KCNH7: variants seen among roughly 807,000 people sequenced by gnomAD.
KCNH7 encodes voltage-gated inwardly rectifying potassium channel KCNH7.
A neutral mutation model predicts 120.8 loss-of-function variants in KCNH7; 49 were observed. The ratio of observed to expected loss-of-function variants is 0.41; its 90% CI spans 0.32 to 0.51. The LOEUF (loss-of-function observed/expected upper bound fraction) is 0.51, where lower values mean the gene tolerates loss of function less well. Among genes scored for constraint, KCNH7 ranks in the 20% least tolerant of loss-of-function variants. The pLI is 0.38. For missense variants in KCNH7, 1,097 were observed against 1,446.6 expected (o/e 0.76, Z 3.92); for synonymous variants, 547 against 516.1 (o/e 1.06, Z -0.81).
intron 2 of KCNH7, among the ~76,000 whole-genome samples, chr2:162,692,807 C>T (rs540057119): frequency 3.0e-4 from 46 of 152,090 alleles, no homozygotes; most frequent in East Asian, 2.3e-3. Context: ...AAAGCCACTT[C>T]GAAATAAATG....
chr2:162,649,248 C>CT (rs879489546), intron 2 of KCNH7, among the ~76,000 whole-genome samples: 19 of 151,880 alleles, frequency 1.3e-4, no homozygotes, highest in South Asian at 8.3e-4. Context: ...GCACCAAAAC[C>CT]TTTTTTTTGT....
intron 3 of KCNH7, among the ~76,000 whole-genome samples, chr2:162,522,333 G>A (rs1278411671): frequency 6.6e-6 from 1 of 151,780 alleles, no homozygotes; most frequent in Non-Finnish European, 1.5e-5. Flanking sequence ...ACAATTCACT[G>A]GCTTTCTTAA....
In KCNH7 at chr2:162,384,709, T is replaced by G. The variant is rs757136878; in HGVS notation, c.2941A>C (p.Lys981Gln). 1.2e-6 allele frequency: 2 copies of G among 1,612,542 alleles called. No homozygotes were observed. Among genetic ancestry groups the G allele is most frequent in the Non-Finnish European group, 1.7e-6 (2 of 1,178,918 alleles). ...TTACCTTTGCAAGAGTGACTTCTTTTATCTATGTGCATTCTTCCTGAGGTG... is the reference window on the plus strand; with the variant it reads ...TTACCTTTGCAAGAGTGACTTCTTTGATCTATGTGCATTCTTCCTGAGGTG... ...VPTSGRMHID[K>Q]RSHSCKDITD... The change falls in exon 13 of 16, where the codon AAA (lysine) becomes CAA (glutamine). Residue 981 changes from lysine (K) to glutamine (Q), a missense_variant. Lys to Gln is a moderately conservative substitution (Grantham distance 53). Around this residue, in one of 8 missense-constraint regions of KCNH7, gnomAD observed 406 missense variants for 410.5 expected, o/e 0.99. Coordinates refer to ENST00000332142, the MANE Select transcript of KCNH7 (RefSeq NM_033272.4).
chr2:162,657,213 T>C (rs1684793638), intron 2 of KCNH7, among the ~76,000 whole-genome samples: 1 of 152,218 alleles, frequency 6.6e-6, no homozygotes, highest in African/African-American at 2.4e-5. Flanking sequence ...GTATGTACAC[T>C]TTACAAGTTT....
intron 2 of KCNH7, among the ~76,000 whole-genome samples, chr2:162,648,801 T>A (rs1559063168): frequency 1.3e-5 from 2 of 152,114 alleles, no homozygotes. Flanking sequence ...ACTCTTGATT[T>A]AAGATCAGTT....
intron 2 of KCNH7, among the ~76,000 whole-genome samples, chr2:162,580,145 T>A (rs1057374247): frequency 6.6e-5 from 10 of 152,024 alleles, no homozygotes; most frequent in Non-Finnish European, 1.2e-4. Context: ...TAGCTCACAG[T>A]CAGGAAGGTC....
At chr2:162,666,219 C>T (rs1343658509) in intron 2 of KCNH7, among the ~76,000 whole-genome samples, 1 of 152,118 alleles carries the variant, frequency 6.6e-6, no homozygotes, top group Non-Finnish European at 1.5e-5. Context: ...CCCTAATTTT[C>T]AGCACTAATG....
intron 8 of KCNH7, among the ~76,000 whole-genome samples, chr2:162,434,429 A>G (rs13413015): frequency 0.074 from 11,240 of 152,168 alleles, 1,333 homozygotes; most frequent in African/African-American, 0.25. Flanking sequence ...AATGAAAACA[A>G]AAATCCATCA....
chr2:162,560,357 A>G lies in KCNH7; in HGVS notation c.308-23277T>C, dbSNP rs77002225. ...TGGCAAGTGGCTAACTTCTAACTGTAACATCGGAACAGGAGCAAAAGTATC... is the reference window on the plus strand; with the variant it reads ...TGGCAAGTGGCTAACTTCTAACTGTGACATCGGAACAGGAGCAAAAGTATC... On this transcript the variant is annotated intron_variant, in intron 2 of 15. Transcript: ENST00000332142. 2.4e-3 allele frequency among the ~76,000 whole-genome samples: 366 copies of G among 152,282 alleles called. 5 individuals carry two copies. The East Asian group carries it at 0.06, about 25-fold the overall frequency.
intron 9 of KCNH7, among the ~76,000 whole-genome samples, chr2:162,418,298 G>C (rs999786876): frequency 6.6e-6 from 1 of 152,006 alleles, no homozygotes; most frequent in Non-Finnish European, 1.5e-5. Context: ...AGGATTATCT[G>C]GATATGAGGG....
At chr2:162,397,345 T>C (rs1055703229) in intron 10 of KCNH7, among the ~76,000 whole-genome samples, 1 of 151,836 alleles carries the variant, frequency 6.6e-6, no homozygotes, top group African/African-American at 2.4e-5. Flanking sequence ...TGTCTCGGGA[T>C]GGTCTCTGCA....
At chr2:162,412,849 G>A (rs1045191119) in intron 9 of KCNH7, among the ~76,000 whole-genome samples, 4 of 152,070 alleles carry the variant, frequency 2.6e-5, no homozygotes, top group Admixed American at 1.3e-4. Flanking sequence ...GAAGATCTCC[G>A]TGCCTATGCT....
At chr2:162,702,269 C>A (rs541948854) in intron 2 of KCNH7, among the ~76,000 whole-genome samples, 1 of 152,148 alleles carries the variant, frequency 6.6e-6, no homozygotes, top group African/African-American at 2.4e-5. Flanking sequence ...AGCTAGATCT[C>A]TATTTGGTAG....
intron 2 of KCNH7, among the ~76,000 whole-genome samples, chr2:162,608,228 C>T (rs1234969932): frequency 1.3e-5 from 2 of 152,068 alleles, no homozygotes; most frequent in African/African-American, 2.4e-5. Flanking sequence ...CTGGTATGGC[C>T]CAGACCAGAG....
chr2:162,762,974 C>T (rs1689017677), intron 2 of KCNH7, among the ~76,000 whole-genome samples: 1 of 151,988 alleles, frequency 6.6e-6, no homozygotes, highest in South Asian at 2.1e-4. Context: ...AGTAAAATAA[C>T]ACATTCATCA....
intron 2 of KCNH7, among the ~76,000 whole-genome samples, chr2:162,748,111 C>A (rs557707674): frequency 6.6e-6 from 1 of 152,118 alleles, no homozygotes; most frequent in Non-Finnish European, 1.5e-5. Flanking sequence ...ACACTAAACA[C>A]GGTTTATGTA....
chr2:162,655,751 C>A (rs959392913), intron 2 of KCNH7, among the ~76,000 whole-genome samples: 12 of 152,080 alleles, frequency 7.9e-5, no homozygotes, highest in Non-Finnish European at 8.8e-5. Context: ...CGAGATGGTG[C>A]CACTGCACTC....
At position 162,404,281 on chromosome 2, in the gene KCNH7, T is replaced by C. The variant is rs189172989; in HGVS notation, c.2155-3840A>G. Among the ~76,000 whole-genome samples the C allele has an allele frequency of 1.0e-3, 158 of 152,100 alleles. 1 individual carries two copies. The highest frequency in any genetic ancestry group is 1.5e-3 in the Non-Finnish European group (102 of 67,946). Reference sequence around the variant, plus strand: ...CTGTGTATTTGAAGCCATGGTTTTATTGAGGCAATCTAATTTTAAAGACCA... The same window carrying C: ...CTGTGTATTTGAAGCCATGGTTTTACTGAGGCAATCTAATTTTAAAGACCA... On this transcript the variant is annotated intron_variant, in intron 9 of 15. Transcript: ENST00000332142.
intron 6 of KCNH7, among the ~76,000 whole-genome samples, chr2:162,457,383 T>G (rs1292290989): frequency 6.6e-6 from 1 of 152,144 alleles, no homozygotes; most frequent in African/African-American, 2.4e-5. Context: ...CCAGAAAGAT[T>G]TACATTTTCT....
Sources: allele counts gnomAD v4.1 joint callset (sites outside exome capture counted in the v4.1 genomes callset), GRCh38; gene constraint gnomAD v4.1.1; regional missense constraint gnomAD v4.1.1; transcripts MANE v1.5; gene names NCBI Gene and HGNC (gene_info 2026-07-23, HGNC 2026-07-21).